The following LSAMP variants were observed in gnomAD, a reference collection of about 807,000 sequenced individuals.
The protein encoded by LSAMP is limbic system-associated membrane protein.
Under a neutral mutation model 38.6 loss-of-function variants are expected in LSAMP, and 7 were observed. The observed-to-expected ratio is 0.18, with a 90% CI of 0.10 to 0.34. The LOEUF (loss-of-function observed/expected upper bound fraction) is 0.34. LSAMP is among the 10% of genes least tolerant of loss of function. The pLI, the probability that LSAMP is intolerant of heterozygous loss-of-function variation, is 1.00. For missense variants in LSAMP, 313 were observed against 420.0 expected (o/e 0.75, Z 2.23); for synonymous variants, 154 against 166.8 (o/e 0.92, Z 0.59).
chr3:116,380,204 TATA>T, intron 1 of LSAMP, among the ~76,000 whole-genome samples: 1 of 152,138 alleles, frequency 6.6e-6, no homozygotes, highest in South Asian at 2.1e-4. Context: ...CGGCAAAAAT[TATA>T]ATCCATAGAA....
intron 1 of LSAMP, among the ~76,000 whole-genome samples, chr3:116,252,758 T>G (rs2046700960): frequency 6.6e-6 from 1 of 152,234 alleles, no homozygotes; most frequent in African/African-American, 2.4e-5. Context: ...CTACCATTTC[T>G]GTAAATAGTG....
intron 2 of LSAMP, among the ~76,000 whole-genome samples, chr3:116,020,642 C>A (rs1021568469): frequency 6.6e-6 from 1 of 152,154 alleles, no homozygotes; most frequent in Non-Finnish European, 1.5e-5. Flanking sequence ...GCTGTACTGC[C>A]GTCTGACTTC....
chr3:116,386,654 A>G (rs9833356), intron 1 of LSAMP, among the ~76,000 whole-genome samples: 1 of 151,956 alleles, frequency 6.6e-6, no homozygotes, highest in East Asian at 1.9e-4. Context: ...CATATTTTTT[A>G]TAGAGATGGT....
chr3:116,396,344 T>G lies in LSAMP; in HGVS notation c.155+48533A>C, dbSNP rs76792726. ...AACAGTTTTGTGTTCTTACTTCTTC[T>G]GGGCCTGGGATTCGCCTCTTTTTTG... On this transcript the variant is annotated intron_variant, in intron 1 of 6. Transcript: ENST00000490035. Among the ~76,000 whole-genome samples, 833 of 152,324 alleles carry G rather than the reference T, an allele frequency of 5.5e-3. 22 individuals are homozygous for G. Among genetic ancestry groups the G allele is most frequent in the Admixed American group, 0.036 (544 of 15,298 alleles).
chr3:116,221,565 C>A (rs961712575), intron 1 of LSAMP, among the ~76,000 whole-genome samples: 1 of 152,140 alleles, frequency 6.6e-6, no homozygotes, highest in African/African-American at 2.4e-5. Context: ...TGTGTACATG[C>A]CTGTGTGTGT....
intron 3 of LSAMP, among the ~76,000 whole-genome samples, chr3:115,866,033 A>G (rs1200740538): frequency 6.6e-6 from 1 of 152,172 alleles, no homozygotes; most frequent in Non-Finnish European, 1.5e-5. Context: ...TAGTTTATCT[A>G]TATAGGCTTC....
At chr3:116,220,248 A>G (rs367901233) in intron 1 of LSAMP, among the ~76,000 whole-genome samples, 1 of 149,304 alleles carries the variant, frequency 6.7e-6, no homozygotes, top group Non-Finnish European at 1.5e-5. Context: ...CAAAATAACT[A>G]TTATAAAAAA....
intron 6 of LSAMP, among the ~76,000 whole-genome samples, chr3:115,820,122 C>T (rs1439823962): frequency 2.6e-5 from 4 of 151,576 alleles, no homozygotes; most frequent in Non-Finnish European, 5.9e-5. Context: ...CATTTAACAC[C>T]TAAACATTAT....
chr3:115,994,973 G>C (rs561391128), intron 3 of LSAMP, among the ~76,000 whole-genome samples: 2 of 152,134 alleles, frequency 1.3e-5, no homozygotes, highest in South Asian at 4.1e-4. Flanking sequence ...TGTAGATGCT[G>C]GGCATCGCAC....
intron 3 of LSAMP, among the ~76,000 whole-genome samples, chr3:116,007,237 G>A (rs1020202823): frequency 1.3e-5 from 2 of 152,030 alleles, no homozygotes; most frequent in Non-Finnish European, 2.9e-5. Context: ...TTTCTGACTT[G>A]ATGCATGAAA....
chr3:116,023,508 G>A (rs1037282591), intron 2 of LSAMP, among the ~76,000 whole-genome samples: 3 of 150,904 alleles, frequency 2.0e-5, no homozygotes, highest in Non-Finnish European at 4.4e-5. Context: ...GGGAGGCTGA[G>A]GCAGCAGAAT....
intron 3 of LSAMP, among the ~76,000 whole-genome samples, chr3:115,874,447 T>C (rs1402196569): frequency 1.3e-5 from 2 of 152,148 alleles, no homozygotes; most frequent in Non-Finnish European, 2.9e-5. Flanking sequence ...GTAGCACAAA[T>C]CAGGCTGTAC....
intron 1 of LSAMP, among the ~76,000 whole-genome samples, chr3:116,145,719 T>A (rs1257877181): frequency 1.3e-5 from 2 of 151,922 alleles, no homozygotes; most frequent in Non-Finnish European, 2.9e-5. Flanking sequence ...ATAGAATATA[T>A]AAAAATATAT....
chr3:115,876,931 C>T (rs901127284), intron 3 of LSAMP, among the ~76,000 whole-genome samples: 2 of 152,104 alleles, frequency 1.3e-5, no homozygotes, highest in Non-Finnish European at 2.9e-5. Flanking sequence ...GAACTGTCCA[C>T]ACTCTCTCCC....
intron 3 of LSAMP, among the ~76,000 whole-genome samples, chr3:116,013,705 T>C (rs1056531334): frequency 5.9e-5 from 9 of 152,188 alleles, no homozygotes; most frequent in African/African-American, 2.2e-4. Context: ...TTTGTGCTTT[T>C]GGAAGAAGGA....
At chr3:116,054,128 G>T (rs1057390635) in intron 2 of LSAMP, among the ~76,000 whole-genome samples, 2 of 152,124 alleles carry the variant, frequency 1.3e-5, no homozygotes, top group Non-Finnish European at 2.9e-5. Flanking sequence ...CCAGTTTAAA[G>T]GCTCTCTGCA....
At chr3:116,126,467 C>G (rs756130196) in intron 1 of LSAMP, among the ~76,000 whole-genome samples, 38 of 152,296 alleles carry the variant, frequency 2.5e-4, no homozygotes, top group Non-Finnish European at 4.6e-4. Flanking sequence ...GAATTATACC[C>G]CTCATTTTTG....
chr3:116,131,353 G>A (rs1709129255), intron 1 of LSAMP, among the ~76,000 whole-genome samples: 1 of 152,078 alleles, frequency 6.6e-6, no homozygotes, highest in South Asian at 2.1e-4. Context: ...GCTGACTGCA[G>A]GGATGGTACT....
intron 2 of LSAMP, among the ~76,000 whole-genome samples, chr3:116,062,501 G>A (rs888398913): frequency 2.6e-5 from 4 of 152,136 alleles, no homozygotes; most frequent in African/African-American, 9.6e-5. Flanking sequence ...GGGCGACAGA[G>A]CGAGACTCCC....
Sources: gnomAD v4.1 joint callset for allele counts (sites outside exome capture counted in the v4.1 genomes callset) on GRCh38, gnomAD v4.1.1 for gene constraint, MANE v1.5 for transcripts, NCBI Gene and HGNC (gene_info 2026-07-23, HGNC 2026-07-21) for gene names.